Variants in PTPRN2 observed in about 807,000 individuals in gnomAD.
PTPRN2 encodes the protein protein tyrosine phosphatase receptor type N2, also known as receptor-type tyrosine-protein phosphatase N2.
In PTPRN2, 74 loss-of-function variants were observed where a neutral mutation model predicts 118.8. The observed-to-expected ratio is 0.62, with a 90% confidence interval of 0.52 to 0.76. The LOEUF is 0.76. PTPRN2 is among the 30% of genes least tolerant of loss of function. The pLI, the probability that PTPRN2 is intolerant of heterozygous loss-of-function variation, is 0.00. For synonymous variants in PTPRN2, 641 were observed against 608.0 expected (o/e 1.05, Z -0.80); for missense variants, 1,481 against 1,394.4 (o/e 1.06, Z -0.99).
chr7:157,800,809 G>A lies in PTPRN2; in HGVS notation c.1788+97864C>T, dbSNP rs543901034. Among the ~76,000 whole-genome samples, 35 of 151,954 alleles carry A rather than the reference G, an allele frequency of 2.3e-4. 1 individual carries two copies. Among genetic ancestry groups the A allele is most frequent in the Admixed American group, 8.5e-4 (13 of 15,256 alleles). On this transcript the variant is annotated intron_variant, in intron 12 of 22. Transcript: ENST00000389418. Reference sequence around the variant, plus strand: ...CTACTAAAAATACAAAAAACCAGCCGGGTGTGGTGGCGGGCACCTGTAGTC... The same window carrying A: ...CTACTAAAAATACAAAAAACCAGCCAGGTGTGGTGGCGGGCACCTGTAGTC...
intron 12 of PTPRN2, among the ~76,000 whole-genome samples, chr7:157,786,433 T>G (rs1053705882): frequency 6.6e-6 from 1 of 152,228 alleles, no homozygotes; most frequent in Non-Finnish European, 1.5e-5. Flanking sequence ...GGTGGGCTCA[T>G]TTGCTGTGAT....
intron 11 of PTPRN2, among the ~76,000 whole-genome samples, chr7:158,013,725 A>C (rs1806215260): frequency 7.4e-5 from 4 of 53,784 alleles, no homozygotes; most frequent in Non-Finnish European, 1.5e-4. Context: ...CCAGCCAGCC[A>C]CCCACTCATC....
chr7:158,366,657 G>A (rs922860119), intron 2 of PTPRN2, among the ~76,000 whole-genome samples: 5 of 151,700 alleles, frequency 3.3e-5, no homozygotes, highest in African/African-American at 7.3e-5. Flanking sequence ...GTGGTGCTGC[G>A]GACCATGGGT....
intron 3 of PTPRN2, among the ~76,000 whole-genome samples, chr7:158,228,725 A>G (rs1444900135): frequency 6.6e-6 from 1 of 152,112 alleles, no homozygotes; most frequent in Non-Finnish European, 1.5e-5. Flanking sequence ...CATCAAGAGT[A>G]TGGGAAATTT....
At chr7:158,356,053 A>G (rs1363816242) in intron 2 of PTPRN2, among the ~76,000 whole-genome samples, 1 of 152,222 alleles carries the variant, frequency 6.6e-6, no homozygotes, top group Non-Finnish European at 1.5e-5. Flanking sequence ...TTTCACAATG[A>G]GTTTTCACAC....
chr7:158,509,464 T>C lies in PTPRN2; in HGVS notation c.113-19679A>G, dbSNP rs571101822. On this transcript the variant is annotated intron_variant, in intron 1 of 22. Transcript: ENST00000389418. The surrounding 1 kb of genome is among the most constrained non-coding windows in gnomAD (Gnocchi z 4.4). ...GAGCTCAGCATCCTGGCATCAAGTC[T>C]GCCATTCAGGCCACACTGGGACTTG... Among the ~76,000 whole-genome samples the C allele has an allele frequency of 6.6e-6, 1 of 152,352 alleles. No individual in the cohort carries two copies. The highest frequency in any genetic ancestry group is 1.9e-4 in the East Asian group (1 of 5,180).
intron 4 of PTPRN2, among the ~76,000 whole-genome samples, chr7:158,200,198 C>A (rs888357034): frequency 1.3e-5 from 2 of 152,104 alleles, no homozygotes; most frequent in African/African-American, 4.8e-5. Flanking sequence ...TCAAACAGAA[C>A]CAGTCTCAAA....
intron 11 of PTPRN2, among the ~76,000 whole-genome samples, chr7:158,071,450 C>CATG (rs1554528403): frequency 3.7e-5 from 1 of 26,864 alleles, no homozygotes. Flanking sequence ...TGGAGGTGCT[C>CATG]GTGGTTGAGG....
intron 2 of PTPRN2, among the ~76,000 whole-genome samples, chr7:158,332,645 T>C (rs1466813297): frequency 6.8e-6 from 1 of 146,488 alleles, no homozygotes; most frequent in East Asian, 2.0e-4. Flanking sequence ...ACTGTCACCA[T>C]AAGAGCTGAT....
intron 12 of PTPRN2, among the ~76,000 whole-genome samples, chr7:157,805,287 T>C (rs1805554638): frequency 1.9e-5 from 2 of 102,850 alleles, no homozygotes; most frequent in South Asian, 8.6e-4. Context: ...ATATATATAC[T>C]CCTGTGTGTG....
intron 11 of PTPRN2, among the ~76,000 whole-genome samples, chr7:158,034,846 T>A (rs1443448814): frequency 6.6e-6 from 1 of 152,218 alleles, no homozygotes; most frequent in Non-Finnish European, 1.5e-5. Flanking sequence ...TAGCAGAGGC[T>A]TCAGCTGCAA....
intron 2 of PTPRN2, among the ~76,000 whole-genome samples, chr7:158,459,529 G>C (rs967687743): frequency 1.3e-5 from 2 of 152,150 alleles, no homozygotes; most frequent in Admixed American, 6.5e-5. Flanking sequence ...GCAAACCCAT[G>C]CACGCCTCAG....
At chr7:158,277,129 CCGCACA>C (rs1799068035) in intron 3 of PTPRN2, among the ~76,000 whole-genome samples, 2 of 148,796 alleles carry the variant, frequency 1.3e-5, no homozygotes, top group African/African-American at 4.8e-5. Flanking sequence ...ACACACGTGC[CCGCACA>C]CGCACACACG....
intron 2 of PTPRN2, among the ~76,000 whole-genome samples, chr7:158,442,142 GTGGTGGTGATGGTGATGGCAA>G (rs1817387335): frequency 1.3e-5 from 2 of 150,814 alleles, no homozygotes; most frequent in Non-Finnish European, 3.0e-5. Context: ...GGTGGTGGCA[GTGGTGGTGATGGTGATGGCAA>G]TGGTGGCAGT....
intron 12 of PTPRN2, among the ~76,000 whole-genome samples, chr7:157,770,714 G>A (rs1423544440): frequency 2.0e-5 from 3 of 152,184 alleles, no homozygotes; most frequent in South Asian, 2.1e-4. Context: ...GGACATCCTC[G>A]GGAAGAGCGT....
chr7:158,002,404 G>A (rs1266119953), intron 11 of PTPRN2, among the ~76,000 whole-genome samples: 3 of 152,210 alleles, frequency 2.0e-5, no homozygotes, highest in Non-Finnish European at 4.4e-5. Context: ...TTCACGGTGA[G>A]GGGAAATGTT....
intron 21 of PTPRN2, among the ~76,000 whole-genome samples, chr7:157,567,941 C>T (rs1003420982): frequency 3.3e-5 from 5 of 152,118 alleles, no homozygotes; most frequent in African/African-American, 1.2e-4. Flanking sequence ...CCTGTGATGC[C>T]CAAGGAGCAG....
intron 10 of PTPRN2, among the ~76,000 whole-genome samples, chr7:158,087,542 C>G (rs978438592): frequency 6.6e-6 from 1 of 152,106 alleles, no homozygotes; most frequent in East Asian, 1.9e-4. Context: ...GAAGAAATGC[C>G]AAAAAGGAAT....
chr7:158,117,696 C>T, intron 9 of PTPRN2, among the ~76,000 whole-genome samples: 1 of 152,134 alleles, frequency 6.6e-6, no homozygotes, highest in East Asian at 1.9e-4. Context: ...GTTCATCACA[C>T]ACCAGGCTTT....
Sources: gnomAD v4.1 joint callset for allele counts (sites outside exome capture counted in the v4.1 genomes callset) on GRCh38, gnomAD v4.1.1 for gene constraint, Gnocchi (gnomAD v3.1) non-coding constraint, MANE v1.5 for transcripts, NCBI Gene and HGNC (gene_info 2026-07-23, HGNC 2026-07-21) for gene names.